The following NCAM2 variants were observed in gnomAD, a reference collection of about 807,000 sequenced individuals.
NCAM2 encodes the protein neural cell adhesion molecule 2.
NCAM2 carries 30 observed loss-of-function variants against 98.1 expected under a neutral mutation model. The ratio of observed to expected loss-of-function variants is 0.31; its 90% CI spans 0.23 to 0.41. The LOEUF is 0.41. NCAM2 is among the 10% of genes least tolerant of loss of function. NCAM2 has a pLI of 1.00. For missense variants in NCAM2, 867 were observed against 1,005.8 expected (o/e 0.86, Z 1.87); for synonymous variants, 368 against 342.4 (o/e 1.07, Z -0.83).
intron 9 of NCAM2, among the ~76,000 whole-genome samples, chr21:21,388,145 A>C (rs2076307993): frequency 6.6e-6 from 1 of 152,202 alleles, no homozygotes; most frequent in Admixed American, 6.5e-5. Context: ...GCAGAAGCAC[A>C]AGAAAACAAG....
intron 5 of NCAM2, among the ~76,000 whole-genome samples, chr21:21,302,343 G>A (rs879292683): frequency 2.0e-5 from 3 of 152,026 alleles, no homozygotes; most frequent in Non-Finnish European, 4.4e-5. Flanking sequence ...TGACCAGCCA[G>A]TTATCCCAGC....
At chr21:21,506,832 T>C (rs562211793) in intron 15 of NCAM2, among the ~76,000 whole-genome samples, 20 of 152,168 alleles carry the variant, frequency 1.3e-4, no homozygotes, top group Non-Finnish European at 2.8e-4. Flanking sequence ...CACTACCTTG[T>C]GTTTATCACT....
intron 1 of NCAM2, among the ~76,000 whole-genome samples, chr21:21,120,132 G>A (rs1037289540): frequency 5.9e-5 from 9 of 152,182 alleles, no homozygotes; most frequent in African/African-American, 1.9e-4. Flanking sequence ...CTTGTATGCT[G>A]TAGAGAATGA....
intron 4 of NCAM2, among the ~76,000 whole-genome samples, chr21:21,286,765 C>A (rs1450201765): frequency 6.6e-6 from 1 of 151,712 alleles, no homozygotes; most frequent in South Asian, 2.1e-4. Flanking sequence ...TCATTAGTAC[C>A]TGGAGATTTA....
At chr21:21,483,468 A>G (rs1986073767) in intron 15 of NCAM2, among the ~76,000 whole-genome samples, 1 of 152,200 alleles carries the variant, frequency 6.6e-6, no homozygotes, top group South Asian at 2.1e-4. Context: ...ACTATACAGT[A>G]AAATTATTTT....
chr21:21,529,406 T>C (rs1487732569), intron 16 of NCAM2, among the ~76,000 whole-genome samples: 1 of 152,144 alleles, frequency 6.6e-6, no homozygotes, highest in African/African-American at 2.4e-5. Flanking sequence ...TATCCTTCCA[T>C]TGCATTTAAG....
chr21:21,249,870 T>C (rs1326191136), intron 1 of NCAM2, among the ~76,000 whole-genome samples: 1 of 152,194 alleles, frequency 6.6e-6, no homozygotes, highest in African/African-American at 2.4e-5. Context: ...TAGACTGCGG[T>C]AAAATATGAC....
chr21:21,534,964 G>T (rs936650244), intron 17 of NCAM2, among the ~76,000 whole-genome samples: 6 of 152,036 alleles, frequency 3.9e-5, no homozygotes, highest in African/African-American at 1.2e-4. Context: ...TTAAGATAGT[G>T]TTGTTTTCTC....
At position 21,477,166 on chromosome 21, in the gene NCAM2, G is replaced by A. The variant is rs147421642; in HGVS notation, c.1897-125G>A. 5.6e-5 allele frequency: 34 copies of A among 610,994 alleles called. No homozygotes were observed. The African/African-American group carries it at 5.7e-4, about 10-fold the overall frequency. The allele number at this position is 610,994 out of a possible 1,614,324, so 37.8% of individuals were successfully genotyped here. A position where few individuals can be genotyped will look rare whatever the true frequency, so the allele number is the denominator to read the frequency against. On this transcript the variant is annotated intron_variant, in intron 14 of 17. Coordinates refer to ENST00000400546, the MANE Select transcript of NCAM2 (RefSeq NM_004540.5). Reference sequence around the variant, plus strand: ...TGACACAGCAACTTCATGTATCCCTGTGCCTATGAAAATTGTTCCAATATC... The same window carrying A: ...TGACACAGCAACTTCATGTATCCCTATGCCTATGAAAATTGTTCCAATATC...
At chr21:21,456,942 A>G (rs1982233748) in intron 12 of NCAM2, among the ~76,000 whole-genome samples, 1 of 152,232 alleles carries the variant, frequency 6.6e-6, no homozygotes, top group Non-Finnish European at 1.5e-5. Flanking sequence ...TGGAACTGTG[A>G]GAAATTTCTC....
chr21:21,413,495 A>G (rs928236962), intron 10 of NCAM2, among the ~76,000 whole-genome samples: 1 of 152,184 alleles, frequency 6.6e-6, no homozygotes, highest in South Asian at 2.1e-4. Context: ...TTTTAGCTGG[A>G]TACAGATATA....
At chr21:21,285,870 T>C (rs142046734) in intron 3 of NCAM2, among the ~76,000 whole-genome samples, 2 of 152,102 alleles carry the variant, frequency 1.3e-5, no homozygotes, top group Non-Finnish European at 2.9e-5. Context: ...GGAATATTGC[T>C]ATTTTATATA....
chr21:21,009,519 G>T lies in NCAM2; in HGVS notation c.55+10901G>T, dbSNP rs755571529. 9.0e-4 allele frequency among the ~76,000 whole-genome samples: 136 copies of T among 151,944 alleles called. 1 individual carries two copies. The highest frequency in any genetic ancestry group is 6.8e-3 in the Middle Eastern group (2 of 294). On this transcript the variant is annotated intron_variant, in intron 1 of 17. Coordinates refer to ENST00000400546, the MANE Select transcript of NCAM2 (RefSeq NM_004540.5). ...AGCCTTATCTGAGGCATAGGAGATG[G>T]TTATACAGTTGGGGTCTCAAAACTG...
chr21:21,232,764 G>A (rs1394033587), intron 1 of NCAM2, among the ~76,000 whole-genome samples: 1 of 151,534 alleles, frequency 6.6e-6, no homozygotes, highest in Non-Finnish European at 1.5e-5. Flanking sequence ...CATTGCTTTA[G>A]TTTTATATGC....
chr21:21,464,590 C>G (rs1400281769), intron 12 of NCAM2, among the ~76,000 whole-genome samples: 2 of 152,004 alleles, frequency 1.3e-5, no homozygotes, highest in East Asian at 1.9e-4. Context: ...AAGAATGGAA[C>G]AAAAGGAAGC....
chr21:21,220,485 G>T (rs2070102498), intron 1 of NCAM2, among the ~76,000 whole-genome samples: 1 of 152,070 alleles, frequency 6.6e-6, no homozygotes, highest in Admixed American at 6.6e-5. Flanking sequence ...TAGTGTCTAG[G>T]TCTGTGTAAG....
At chr21:21,182,414 T>A (rs1003942720) in intron 1 of NCAM2, among the ~76,000 whole-genome samples, 7 of 152,182 alleles carry the variant, frequency 4.6e-5, no homozygotes, top group African/African-American at 1.7e-4. Flanking sequence ...TGAGTGTGGT[T>A]ACTATTTTCA....
At chr21:21,075,038 G>A (rs1424273417) in intron 1 of NCAM2, among the ~76,000 whole-genome samples, 1 of 152,084 alleles carries the variant, frequency 6.6e-6, no homozygotes, top group African/African-American at 2.4e-5. Flanking sequence ...TCCTTTGCAG[G>A]GACATAGATG....
chr21:21,453,357 G>A (rs1276250319), intron 12 of NCAM2, among the ~76,000 whole-genome samples: 1 of 151,702 alleles, frequency 6.6e-6, no homozygotes, highest in African/African-American at 2.4e-5. Context: ...AGCCTTGGCA[G>A]AGGTCAGTAT....
Sources: gnomAD v4.1 joint callset for allele counts (sites outside exome capture counted in the v4.1 genomes callset) on GRCh38, gnomAD v4.1.1 for gene constraint, MANE v1.5 for transcripts, NCBI Gene and HGNC (gene_info 2026-07-23, HGNC 2026-07-21) for gene names.